The following TENM3 variants were observed in gnomAD, a reference collection of about 807,000 sequenced individuals.
TENM3 encodes teneurin-3.
In TENM3, 63 loss-of-function variants were observed where a neutral mutation model predicts 255.1. That is an observed-to-expected ratio of 0.25 (90% CI 0.20 to 0.30). The LOEUF (loss-of-function observed/expected upper bound fraction) is 0.30, where lower values mean the gene tolerates loss of function less well. Among genes scored for constraint, TENM3 ranks in the 10% least tolerant of loss-of-function variants. The pLI is 1.00. For synonymous variants in TENM3, 1,306 were observed against 1,322.3 expected (o/e 0.99, Z 0.27); for missense variants, 2,929 against 3,461.1 (o/e 0.85, Z 3.86).
intron 5 of TENM3, among the ~76,000 whole-genome samples, chr4:182,650,347 G>A (rs1053138810): frequency 3.3e-5 from 5 of 150,298 alleles, no homozygotes; most frequent in African/African-American, 1.2e-4. Flanking sequence ...ACTGGGACAT[G>A]CCTAAACCAA....
chr4:182,641,532 G>GTTT (rs33982626), intron 5 of TENM3, among the ~76,000 whole-genome samples: 2 of 142,226 alleles, frequency 1.4e-5, no homozygotes, highest in East Asian at 2.0e-4. Flanking sequence ...TTTTTTTGTT[G>GTTT]TTTTTTTTTT....
intron 3 of TENM3, among the ~76,000 whole-genome samples, chr4:182,427,725 A>C (rs1771331507): frequency 6.6e-6 from 1 of 152,222 alleles, no homozygotes; most frequent in Admixed American, 6.5e-5. Flanking sequence ...CATCTACACA[A>C]AATGCAATAC....
At chr4:181,514,480 TAC>T in the TENM3 span, among the ~76,000 whole-genome samples, 3 of 152,246 alleles carry the variant, frequency 2.0e-5, no homozygotes, top group African/African-American at 7.2e-5. Context: ...AGCAGATAAT[TAC>T]ATTTTTCCCT....
At chr4:181,798,549 C>T in the TENM3 span, among the ~76,000 whole-genome samples, 12 of 152,266 alleles carry the variant, frequency 7.9e-5, no homozygotes, top group East Asian at 2.3e-3. Flanking sequence ...AAAGAAGACT[C>T]AATACCTTCT....
intron 3 of TENM3, among the ~76,000 whole-genome samples, chr4:182,394,316 C>T (rs1337495464): frequency 6.6e-6 from 1 of 152,050 alleles, no homozygotes; most frequent in African/African-American, 2.4e-5. Flanking sequence ...TTCCTTCCTG[C>T]CCCCCACCTA....
the TENM3 span, among the ~76,000 whole-genome samples, chr4:181,734,259 A>C: frequency 1.8e-4 from 27 of 152,220 alleles, no homozygotes; most frequent in East Asian, 5.2e-3. Flanking sequence ...CTATATATAT[A>C]TCTACTAAAA....
chr4:182,762,440 CGATT>C (rs987149409), intron 22 of TENM3, among the ~76,000 whole-genome samples: 1 of 108,836 alleles, frequency 9.2e-6, no homozygotes, highest in Non-Finnish European at 2.1e-5. Context: ...CCATTTAAAA[CGATT>C]GATAATAAAG....
the TENM3 span, among the ~76,000 whole-genome samples, chr4:181,768,853 A>T: frequency 6.6e-6 from 1 of 152,216 alleles, no homozygotes; most frequent in South Asian, 2.1e-4. Context: ...CATAAAATGT[A>T]TAGAGAAGAT....
the TENM3 span, among the ~76,000 whole-genome samples, chr4:181,544,919 T>A: frequency 6.6e-6 from 1 of 152,196 alleles, no homozygotes; most frequent in African/African-American, 2.4e-5. Flanking sequence ...TGCATGAGAA[T>A]ATGAAGTTTT....
At chr4:181,558,601 C>T in the TENM3 span, among the ~76,000 whole-genome samples, 2 of 152,204 alleles carry the variant, frequency 1.3e-5, no homozygotes, top group African/African-American at 2.4e-5. Context: ...AATAGGTATG[C>T]CTGGGAGGAC....
chr4:182,636,733 A>G (rs1334902237), intron 5 of TENM3, among the ~76,000 whole-genome samples: 2 of 140,642 alleles, frequency 1.4e-5, no homozygotes, highest in Non-Finnish European at 1.5e-5. Context: ...AAAAAAAGAA[A>G]GAAAGAAAAG....
At chr4:181,485,325 T>A in the TENM3 span, among the ~76,000 whole-genome samples, 1 of 152,162 alleles carries the variant, frequency 6.6e-6, no homozygotes, top group East Asian at 1.9e-4. Flanking sequence ...CATAACTCAT[T>A]GCTCTTAGTA....
chr4:181,961,452 AC>A, the TENM3 span, among the ~76,000 whole-genome samples: 2 of 152,010 alleles, frequency 1.3e-5, no homozygotes, highest in Non-Finnish European at 2.9e-5. Flanking sequence ...ATGGAGTCTC[AC>A]TCTGTCACCT....
At chr4:181,489,138 C>T in the TENM3 span, among the ~76,000 whole-genome samples, 1 of 152,144 alleles carries the variant, frequency 6.6e-6, no homozygotes, top group African/African-American at 2.4e-5. Context: ...CTGTAAATGC[C>T]CAGTGTTTCT....
chr4:182,672,989 C>T lies in TENM3; in HGVS notation c.1112-16C>T, dbSNP rs375724224. ...AAAAAAAATTTGTTCTTCATCAGTGCATCTCTTACATTCAGGAAAATTAGG... is the reference window on the plus strand; with the variant it reads ...AAAAAAAATTTGTTCTTCATCAGTGTATCTCTTACATTCAGGAAAATTAGG... On this transcript the variant is annotated splice_polypyrimidine_tract_variant and intron_variant, in intron 6 of 27. Coordinates refer to ENST00000511685, the MANE Select transcript of TENM3 (RefSeq NM_001080477.4). 1.4e-5 allele frequency: 21 copies of T among 1,529,050 alleles called. No homozygotes were observed. The African/African-American group carries it at 2.6e-4, about 19-fold the overall frequency. 94.7% of individuals were successfully genotyped at this position (1,529,050 alleles called of 1,614,324 possible).
At chr4:182,194,789 A>G (rs972635553) in intron 1 of TENM3, among the ~76,000 whole-genome samples, 2 of 152,224 alleles carry the variant, frequency 1.3e-5, no homozygotes, top group Admixed American at 6.5e-5. Flanking sequence ...CGTGTTATTT[A>G]TAATTACATG....
chr4:181,865,919 TA>T, the TENM3 span, among the ~76,000 whole-genome samples: 2 of 152,212 alleles, frequency 1.3e-5, no homozygotes, highest in African/African-American at 4.8e-5. Flanking sequence ...AAGTCCATTT[TA>T]AATAATCAGT....
the TENM3 span, among the ~76,000 whole-genome samples, chr4:181,755,143 A>G: frequency 6.6e-6 from 1 of 152,136 alleles, no homozygotes; most frequent in African/African-American, 2.4e-5. Context: ...CACATATCCT[A>G]GACACTAGCC....
chr4:182,262,748 A>C, intron 1 of TENM3, among the ~76,000 whole-genome samples: 1 of 141,842 alleles, frequency 7.1e-6, no homozygotes, highest in Non-Finnish European at 1.5e-5. Context: ...TTGAGACGGA[A>C]TCTCGCCCAG....
Sources: gnomAD v4.1 joint callset for allele counts (sites outside exome capture counted in the v4.1 genomes callset) on GRCh38, gnomAD v4.1.1 for gene constraint, MANE v1.5 for transcripts, NCBI Gene and HGNC (gene_info 2026-07-23, HGNC 2026-07-21) for gene names.